BIRC6: variants seen among roughly 807,000 people sequenced by gnomAD.
BIRC6 encodes the protein baculoviral IAP repeat containing 6, also known as dual E2 ubiquitin-conjugating enzyme/E3 ubiquitin-protein ligase BIRC6.
In BIRC6, 98 loss-of-function variants were observed where a neutral mutation model predicts 503.3. That is an observed-to-expected ratio of 0.19 (90% confidence interval 0.17 to 0.23). BIRC6 has a LOEUF of 0.23. Ranked by LOEUF, BIRC6 falls within the 10% of genes least tolerant of loss-of-function variation. BIRC6 has a pLI of 1.00. For missense variants in BIRC6, 5,360 were observed against 5,806.0 expected, an observed-to-expected ratio of 0.92 and a Z score of 2.50; for synonymous variants, 2,240 against 2,078.7, an observed-to-expected ratio of 1.08 and a Z score of -2.11.
Position 32,543,256 on chromosome 2 carries a change from G to T in BIRC6, c.12307G>T (p.Val4103Leu), listed in dbSNP as rs760932810. ...TTTTCTTTAGGTGAGTGCTCCAGTT[G>T]TAACATCTACCACTCAGGAAAAGCC... ...EVIQQVSAPVVTSTTQEKPKD... is the reference protein window; with the variant it reads ...EVIQQVSAPVLTSTTQEKPKD... The change falls in exon 62 of 74, where the codon GTA becomes TTA. Residue 4103 changes from valine to leucine, a missense_variant. Coordinates refer to ENST00000421745, the MANE Select transcript of BIRC6 (RefSeq NM_016252.4). 1.2e-6 allele frequency: 2 copies of T among 1,613,650 alleles called. No homozygotes were observed. Among genetic ancestry groups the T allele is most frequent in the Admixed American group, 3.3e-5 (2 of 60,002 alleles).
chr2:32,443,539 G>T lies in BIRC6; in HGVS notation c.4287G>T (p.Leu1429Phe). 2 of 1,609,630 alleles carry T rather than the reference G, an allele frequency of 1.2e-6. No homozygotes were observed. Among genetic ancestry groups the T allele is most frequent in the South Asian group, 2.2e-5 (2 of 90,004 alleles). ...AACCAGCATTTGGACCTGTTCTGTT[G>T]AAGGCTTTACTTGATAATATGTCAT... ...PCQPAFGPVLLKALLDNMSFL... is the reference protein window; with the variant it reads ...PCQPAFGPVLFKALLDNMSFL... Residue 1429 changes from leucine to phenylalanine, a missense_variant, in exon 20 of 74, where the codon TTG (leucine) becomes TTT (phenylalanine). Transcript: ENST00000421745.
At chr2:32,437,865 A>G (rs1327654687) in intron 15 of BIRC6, among the ~76,000 whole-genome samples, 1 of 152,224 alleles carries the variant, frequency 6.6e-6, no homozygotes, top group Non-Finnish European at 1.5e-5. Context: ...TAGTGAACAA[A>G]AACTAATCTC....
rs765777358 is a variant in BIRC6 at position 32,380,189 on chromosome 2, G to A, written c.544G>A (p.Asp182Asn). 5.4e-5 allele frequency: 85 copies of A among 1,584,612 alleles called. No individual in the cohort carries two copies. Among genetic ancestry groups the A allele is most frequent in the South Asian group, 1.7e-4 (15 of 85,722 alleles). ...CTTATCAGCATGTTTAGAAAAGGTA[G>A]ATATTTCTAGTACAGAGGGTTATGA... ...QLLSACLEKVDISSTEGYDLF... is the reference protein window; with the variant it reads ...QLLSACLEKVNISSTEGYDLF... Residue 182 changes from aspartate to asparagine, a missense_variant, in exon 3 of 74, where the codon GAT becomes AAT. Physicochemically the swap from Asp to Asn is conservative, Grantham distance 23. This residue lies in a region of BIRC6 where 134 missense variants were observed against 150.9 expected (regional missense o/e 0.89). Coordinates refer to ENST00000421745, the MANE Select transcript of BIRC6 (RefSeq NM_016252.4).
chr2:32,549,791 T>C (rs1007170375), intron 65 of BIRC6, among the ~76,000 whole-genome samples: 1 of 152,254 alleles, frequency 6.6e-6, no homozygotes, highest in African/African-American at 2.4e-5. Flanking sequence ...GACATCATTC[T>C]GATCTGAATA....
At position 32,502,818 on chromosome 2, in the gene BIRC6, A is replaced by G. The variant is rs1379142909; in HGVS notation, c.9231A>G (p.Leu3077=). The G allele has an allele frequency of 1.9e-6, 3 of 1,612,328 alleles. No individual in the cohort carries two copies. The highest frequency in any genetic ancestry group is 2.5e-6 in the Non-Finnish European group (3 of 1,179,410). The change falls in exon 48 of 74, where the codon TTA becomes TTG. Residue 3077 remains leucine, a synonymous_variant. Transcript: ENST00000421745. ...AGGGCTCTCTTGCTACTTGCCAGTT[A>G]TCTGAGCCATTATTGTGGTTCATTT... ...GRQGSLATCQ[L]SEPLLWFILR...
At chr2:32,605,549 T>C (rs1032702265) in intron 71 of BIRC6, among the ~76,000 whole-genome samples, 111 of 152,282 alleles carry the variant, frequency 7.3e-4, no homozygotes, top group Non-Finnish European at 3.7e-4. Flanking sequence ...CTTTGAAACT[T>C]ACCTCAGAAG....
chr2:32,421,087 AGTTTCTTTCTTT>A (rs2150116295), intron 10 of BIRC6, among the ~76,000 whole-genome samples: 1 of 138,878 alleles, frequency 7.2e-6, no homozygotes, highest in Non-Finnish European at 1.6e-5. Context: ...GCTCTTCTCT[AGTTTCTTTCTTT>A]CTTTCTTTCT....
At chr2:32,548,271 C>T (rs899055360) in intron 64 of BIRC6, among the ~76,000 whole-genome samples, 2 of 149,474 alleles carry the variant, frequency 1.3e-5, no homozygotes, top group African/African-American at 2.5e-5. Flanking sequence ...CTGGAAGATG[C>T]ATCTTCCTAC....
Position 32,515,158 on chromosome 2 carries a change from G to A in BIRC6, c.10737G>A (p.Met3579Ile). The A allele has an allele frequency of 6.2e-7, 1 of 1,613,912 alleles. No individual in the cohort carries two copies. Among genetic ancestry groups the A allele is most frequent in the Non-Finnish European group, 8.5e-7 (1 of 1,179,874 alleles). ...TGCAATGTCATCATAGACTGTCCAT[G>A]ACAGATGATAGCAAAAAGCAGGATC... is the stretch of plus-strand genomic sequence containing the variant. ...PPVQCHHRLS[M>I]TDDSKKQDLS... The change falls in exon 55 of 74, where the codon ATG (methionine) becomes ATA (isoleucine). Residue 3579 changes from methionine (M) to isoleucine (I), a missense_variant. Physicochemically the swap from Met to Ile is conservative, Grantham distance 10. Around this residue, in one of 16 missense-constraint regions of BIRC6, gnomAD observed 878 missense variants for 928.9 expected, o/e 0.95. Transcript: ENST00000421745.
At chr2:32,540,948 G>A (rs1416648647) in intron 61 of BIRC6, among the ~76,000 whole-genome samples, 2 of 152,042 alleles carry the variant, frequency 1.3e-5, no homozygotes, top group African/African-American at 4.8e-5. Context: ...GGAAATATAT[G>A]ATAGTGGTTT....
At chr2:32,438,119 T>C (rs1489931598) in intron 15 of BIRC6, among the ~76,000 whole-genome samples, 1 of 152,164 alleles carries the variant, frequency 6.6e-6, no homozygotes, top group Non-Finnish European at 1.5e-5. Flanking sequence ...CAAAATGGAG[T>C]GTAGAATTAC....
intron 47 of BIRC6, 53 bp downstream of exon 47, chr2:32,501,941 T>C: frequency 6.7e-7 from 1 of 1,486,456 alleles, no homozygotes; most frequent in Non-Finnish European, 9.1e-7. Flanking sequence ...TATTGCGATG[T>C]AAGTGGAAAA....
chr2:32,507,962 A>G lies in BIRC6; in HGVS notation c.9701-18A>G. The G allele has an allele frequency of 2.5e-6, 4 of 1,604,882 alleles. No homozygotes were observed. Among genetic ancestry groups the G allele is most frequent in the Non-Finnish European group, 3.4e-6 (4 of 1,175,460 alleles). On this transcript the variant is annotated intron_variant, in intron 50 of 73. Transcript: ENST00000421745. ...TATACTTTGTCTTTTGTGATGATTCAGTTTTCTCTTTTTATAGCCTGCCCT... is the reference window on the plus strand; with the variant it reads ...TATACTTTGTCTTTTGTGATGATTCGGTTTTCTCTTTTTATAGCCTGCCCT...
intron 11 of BIRC6, among the ~76,000 whole-genome samples, chr2:32,430,139 T>C (rs910165684): frequency 2.0e-5 from 3 of 152,182 alleles, no homozygotes; most frequent in Non-Finnish European, 4.4e-5. Context: ...TAGAACTTGC[T>C]GTCATTTTTT....
At chr2:32,504,854 C>A in intron 49 of BIRC6, 151 bp from the exon 50 acceptor site, 1 of 702,030 alleles carries the variant, frequency 1.4e-6, no homozygotes, top group Non-Finnish European at 2.3e-6. Context: ...AATACCTTTA[C>A]GGTCATGCTT....
chr2:32,444,695 C>T (rs1321233041), intron 20 of BIRC6, among the ~76,000 whole-genome samples: 1 of 152,056 alleles, frequency 6.6e-6, no homozygotes, highest in African/African-American at 2.4e-5. Flanking sequence ...AAAAAACAAC[C>T]CATTCAACAA....
At chr2:32,511,029 AACTGTTTT>A (rs1454756035) in intron 53 of BIRC6, among the ~76,000 whole-genome samples, 1 of 152,070 alleles carries the variant, frequency 6.6e-6, no homozygotes, top group Non-Finnish European at 1.5e-5. Context: ...TTGGTACTTC[AACTGTTTT>A]TATAATGGTT....
Position 32,382,870 on chromosome 2 carries a change from T to G in BIRC6, c.645+2580T>G, listed in dbSNP as rs112552255. ...TCCTGAGTAGCTGGGATTACAGATG[T>G]GCACCACCATGCCTGGCTACTTTTT... On this transcript the variant is annotated intron_variant, in intron 3 of 73. Transcript: ENST00000421745. Among the ~76,000 whole-genome samples, 1,371 of 148,262 alleles carry G rather than the reference T, an allele frequency of 9.2e-3. 12 individuals carry two copies. The highest frequency in any genetic ancestry group is 0.018 in the Middle Eastern group (5 of 272).
chr2:32,481,737 G>C (rs1168076983), intron 38 of BIRC6, among the ~76,000 whole-genome samples: 2 of 151,688 alleles, frequency 1.3e-5, no homozygotes, highest in Non-Finnish European at 2.9e-5. Flanking sequence ...CTGCACTCCA[G>C]CCTGGGTGAC....
Sources: allele counts gnomAD v4.1 joint callset (sites outside exome capture counted in the v4.1 genomes callset), GRCh38; gene constraint gnomAD v4.1.1; regional missense constraint gnomAD v4.1.1; transcripts MANE v1.5; gene names NCBI Gene and HGNC (gene_info 2026-07-23, HGNC 2026-07-21).